The following COG7 variants were observed in gnomAD, a reference collection of about 807,000 sequenced individuals.
COG7 encodes the protein component of oligomeric golgi complex 7, also known as conserved oligomeric Golgi complex subunit 7.
A neutral mutation model predicts 91.5 loss-of-function variants in COG7; 49 were observed. That is an observed-to-expected ratio of 0.54 (90% CI 0.43 to 0.68). The LOEUF is 0.68. Ranked by LOEUF, COG7 falls within the 30% of genes least tolerant of loss-of-function variation. The pLI is 0.00. For missense variants in COG7, 895 were observed against 961.3 expected (o/e 0.93, Z 0.91); for synonymous variants, 365 against 388.7 (o/e 0.94, Z 0.72).
intron 1 of COG7, 53 bp from the exon 2 acceptor site, chr16:23,446,014 G>C (rs1191211003): frequency 5.0e-6 from 8 of 1,586,112 alleles, no homozygotes; most frequent in African/African-American, 4.1e-5. Context: ...GCCACAAAAG[G>C]TGAAAGTTGG....
chr16:23,444,118 T>A (rs902301528), intron 3 of COG7, among the ~76,000 whole-genome samples: 1 of 151,066 alleles, frequency 6.6e-6, no homozygotes, highest in Non-Finnish European at 1.5e-5. Flanking sequence ...AGCCTGGGCT[T>A]CAGAATGAGA....
Position 23,389,020 on chromosome 16 carries a change from G to A in COG7, c.2213C>T (p.Thr738Met), listed in dbSNP as rs376359015. Residue 738 changes from threonine to methionine, a missense_variant, in exon 17 of 17, where the codon ACG (threonine) becomes ATG (methionine). Coordinates refer to ENST00000307149, the MANE Select transcript of COG7 (RefSeq NM_153603.4). The part of the protein sequence containing the change: ...QPSRTLQHIV[T>M]LLKTRPEDYR... ...GTCCTCAGGCCTGGTCTTCAGTAGCGTCACGATGTGCTGGAGGGTGCGGGA... is the reference window on the plus strand; with the variant it reads ...GTCCTCAGGCCTGGTCTTCAGTAGCATCACGATGTGCTGGAGGGTGCGGGA... 75 of 1,614,130 alleles carry A rather than the reference G, an allele frequency of 4.6e-5. No individual in the cohort carries two copies. The highest frequency in any genetic ancestry group is 2.4e-4 in the South Asian group (22 of 91,076).
chr16:23,445,016 C>T (rs772652034), intron 3 of COG7, 32 bp downstream of exon 3: 1 of 1,497,222 alleles, frequency 6.7e-7, no homozygotes, highest in Non-Finnish European at 9.3e-7. Flanking sequence ...GCTTAAATAC[C>T]TTTCATAACA....
Position 23,388,642 on chromosome 16 carries a change from T to TTTG in COG7, c.*277_*278insCAA. The TTTG allele has an allele frequency of 5.8e-6, 1 of 171,694 alleles. No individual in the cohort carries two copies. The highest frequency in any genetic ancestry group is 1.1e-5 in the Non-Finnish European group (1 of 89,222). The allele number at this position is 171,694 out of a possible 1,614,324, so 10.6% of individuals were successfully genotyped here. Reference sequence around the variant, plus strand: ...ACCAAGTCTTTTTTTTTTTTTTTTTTGAGACAGAGTCTCGCTCTGCTGTTA... The same window carrying TTTG: ...ACCAAGTCTTTTTTTTTTTTTTTTTTTTGGAGACAGAGTCTCGCTCTGCTGTTA... On this transcript the variant is annotated 3_prime_UTR_variant, in exon 17 of 17. Transcript: ENST00000307149.
chr16:23,398,159 T>C (rs1963315423), intron 13 of COG7, 30 bp from the exon 14 acceptor site: 1 of 1,582,746 alleles, frequency 6.3e-7, no homozygotes, highest in Admixed American at 1.7e-5. Context: ...ACACAATCAG[T>C]ACCTAGCAGC....
chr16:23,388,874 C>G lies in COG7; in HGVS notation c.*46G>C. 1 of 1,612,220 alleles carries G rather than the reference C, an allele frequency of 6.2e-7. No individual in the cohort carries two copies. Among genetic ancestry groups the G allele is most frequent in the Non-Finnish European group, 8.5e-7 (1 of 1,179,496 alleles). On this transcript the variant is annotated 3_prime_UTR_variant, in exon 17 of 17. Transcript: ENST00000307149. Reference sequence around the variant, plus strand: ...TGAGCAAATCTGTGCTGGTGAGTCGCGAAACAGCAGCCCTGGCTCTCTTGG... The same window carrying G: ...TGAGCAAATCTGTGCTGGTGAGTCGGGAAACAGCAGCCCTGGCTCTCTTGG...
chr16:23,452,783 A>G (rs1002224365), intron 1 of COG7, 43 bp downstream of exon 1: 2 of 1,583,672 alleles, frequency 1.3e-6, no homozygotes, highest in African/African-American at 1.3e-5. Flanking sequence ...TGCCCAGCCG[A>G]GAGCAGGGGA....
chr16:23,397,757 A>T (rs1963308076), intron 14 of COG7, among the ~76,000 whole-genome samples: 1 of 152,204 alleles, frequency 6.6e-6, no homozygotes, highest in South Asian at 2.1e-4. Context: ...CTGTCTTCCC[A>T]AGTCAGAATT....
chr16:23,451,771 C>A (rs980781184), intron 1 of COG7, among the ~76,000 whole-genome samples: 2 of 151,404 alleles, frequency 1.3e-5, no homozygotes, highest in South Asian at 2.1e-4. Flanking sequence ...TGAGACCAGC[C>A]TATCTTCCTC....
intron 13 of COG7, among the ~76,000 whole-genome samples, chr16:23,399,026 G>A (rs1963331399): frequency 6.6e-6 from 1 of 152,164 alleles, no homozygotes; most frequent in African/African-American, 2.4e-5. Context: ...TGGAAAACAA[G>A]GCCCTTTCTG....
chr16:23,392,598 C>A (rs1413306298), intron 15 of COG7, 75 bp from the exon 16 acceptor site: 5 of 1,575,606 alleles, frequency 3.2e-6, no homozygotes, highest in Middle Eastern at 3.3e-4. Flanking sequence ...TACCAGGAAG[C>A]TTCTGATCTC....
At chr16:23,408,153 T>C (rs979191222) in intron 11 of COG7, among the ~76,000 whole-genome samples, 1 of 1,706 alleles carries the variant, frequency 5.9e-4, no homozygotes, top group East Asian at 6.8e-3. Context: ...AGGGGGCGAG[T>C]GTGGCGGGAG....
chr16:23,445,968 T>C lies in COG7; in HGVS notation c.170-7A>G, dbSNP rs1555496968. The C allele has an allele frequency of 5.7e-6, 9 of 1,573,242 alleles. No individual in the cohort carries two copies. Among genetic ancestry groups the C allele is most frequent in the African/African-American group, 1.5e-5 (1 of 68,326 alleles). On this transcript the variant is annotated splice_region_variant and splice_polypyrimidine_tract_variant and intron_variant, in intron 1 of 16. Coordinates refer to ENST00000307149, the MANE Select transcript of COG7 (RefSeq NM_153603.4). ...AGAGCTTGGTGACTTGTTTCTGTAG[T>C]TAAAAAAAAAAAAAAAAACAACAAC...
intron 1 of COG7, among the ~76,000 whole-genome samples, chr16:23,447,580 A>T (rs1001110330): frequency 1.3e-5 from 2 of 151,552 alleles, no homozygotes; most frequent in African/African-American, 4.9e-5. Context: ...ACAGAGCAAG[A>T]CCCTGTTTCT....
chr16:23,434,805 T>C, intron 4 of COG7, 87 bp from the exon 5 acceptor site: 3 of 846,900 alleles, frequency 3.5e-6, no homozygotes, highest in Admixed American at 1.9e-5. Flanking sequence ...GGTGGATATA[T>C]GGAAGCTAGT....
At chr16:23,452,250 C>T (rs901589019) in intron 1 of COG7, among the ~76,000 whole-genome samples, 5 of 152,170 alleles carry the variant, frequency 3.3e-5, no homozygotes, top group African/African-American at 1.2e-4. Context: ...CAATAAGATC[C>T]ACTCTTTTAA....
At chr16:23,391,069 A>G (rs1399156951) in intron 16 of COG7, among the ~76,000 whole-genome samples, 1 of 152,178 alleles carries the variant, frequency 6.6e-6, no homozygotes, top group East Asian at 1.9e-4. Context: ...TGTCAGTTTC[A>G]TATACTAGCC....
At chr16:23,420,113 G>A (rs539530540) in intron 7 of COG7, among the ~76,000 whole-genome samples, 3 of 152,238 alleles carry the variant, frequency 2.0e-5, no homozygotes, top group South Asian at 2.1e-4. Context: ...GTGACAGAGC[G>A]AGAGTCCGTC....
chr16:23,393,153 G>A lies in COG7; in HGVS notation c.2002+80C>T. 2.0e-6 allele frequency: 2 copies of A among 996,704 alleles called. 1 individual carries two copies. The highest frequency in any genetic ancestry group is 3.2e-6 in the Non-Finnish European group (2 of 634,126). The allele number at this position is 996,704 out of a possible 1,614,324, so 61.7% of individuals were successfully genotyped here. A position where few individuals can be genotyped will look rare whatever the true frequency, so the allele number is the denominator to read the frequency against. ...AGGACTTGGTGACAAATGAGCCCAA[G>A]GATAAGGTGTCATCTGGAGTTTCTA... On this transcript the variant is annotated intron_variant, in intron 15 of 16. Coordinates refer to ENST00000307149, the MANE Select transcript of COG7 (RefSeq NM_153603.4).
Sources: gnomAD v4.1 joint callset for allele counts (sites outside exome capture counted in the v4.1 genomes callset) on GRCh38, gnomAD v4.1.1 for gene constraint, MANE v1.5 for transcripts, NCBI Gene and HGNC (gene_info 2026-07-23, HGNC 2026-07-21) for gene names.